The following RICTOR variants were observed in gnomAD, a reference collection of about 807,000 sequenced individuals.
RICTOR encodes the protein RPTOR independent companion of MTOR complex 2.
A neutral mutation model predicts 214.9 loss-of-function variants in RICTOR; 49 were observed. The ratio of observed to expected loss-of-function variants is 0.23; its 90% CI spans 0.18 to 0.29. The LOEUF (loss-of-function observed/expected upper bound fraction) is 0.29. Among genes scored for constraint, RICTOR ranks in the 10% least tolerant of loss-of-function variants. RICTOR has a pLI of 1.00. For missense variants in RICTOR, 1,625 were observed against 2,047.0 expected, an observed-to-expected ratio of 0.79 and a Z score of 3.98; for synonymous variants, 717 against 711.3, an observed-to-expected ratio of 1.01 and a Z score of -0.13.
At chr5:39,070,107 T>G (rs1353464517) in intron 2 of RICTOR, among the ~76,000 whole-genome samples, 2 of 152,206 alleles carry the variant, frequency 1.3e-5, no homozygotes. Flanking sequence ...CAATGTCCAT[T>G]TTGTCTAACT....
chr5:39,012,481 A>G (rs1351407129), intron 3 of RICTOR, among the ~76,000 whole-genome samples: 1 of 152,180 alleles, frequency 6.6e-6, no homozygotes, highest in Non-Finnish European at 1.5e-5. Context: ...AAGATACAAG[A>G]AGAAATAGAA....
At chr5:38,992,592 T>C (rs1187381438) in intron 6 of RICTOR, among the ~76,000 whole-genome samples, 1 of 152,212 alleles carries the variant, frequency 6.6e-6, no homozygotes, top group Non-Finnish European at 1.5e-5. Flanking sequence ...AAGTTTCAAG[T>C]ATAAAATTCT....
chr5:39,049,040 A>C (rs1404811203), intron 2 of RICTOR, among the ~76,000 whole-genome samples: 1 of 152,208 alleles, frequency 6.6e-6, no homozygotes, highest in East Asian at 1.9e-4. Flanking sequence ...GTGACTTTGG[A>C]ACATAAATGT....
intron 3 of RICTOR, among the ~76,000 whole-genome samples, chr5:39,019,601 T>G (rs550010656): frequency 6.6e-5 from 10 of 152,160 alleles, no homozygotes; most frequent in African/African-American, 2.4e-4. Context: ...TATTTGCTAT[T>G]GCTCAGGAAA....
At position 38,953,030 on chromosome 5, in the gene RICTOR, T is replaced by C. The variant is rs1326839915; in HGVS notation, c.2852A>G (p.Asp951Gly). Residue 951 changes from aspartate (D) to glycine (G), a missense_variant, in exon 29 of 38, where the codon GAT becomes GGT. Physicochemically the swap from Asp to Gly is moderately conservative, Grantham distance 94. Transcript: ENST00000357387. Reference sequence around the variant, plus strand: ...ACACTGTTTTGCAAGTTTTAGTATATCTGGAATCACGTTTTCTTCCTGTAG... The same window carrying C: ...ACACTGTTTTGCAAGTTTTAGTATACCTGGAATCACGTTTTCTTCCTGTAG... ...NLLQEENVIP[D>G]ILKLAKQCEV... 28 of 1,610,560 alleles carry C rather than the reference T, an allele frequency of 1.7e-5. No individual in the cohort carries two copies. Among genetic ancestry groups the C allele is most frequent in the Non-Finnish European group, 2.4e-5 (28 of 1,177,710 alleles).
intron 7 of RICTOR, among the ~76,000 whole-genome samples, chr5:38,986,106 C>T (rs1451947469): frequency 6.6e-6 from 1 of 152,104 alleles, no homozygotes; most frequent in Non-Finnish European, 1.5e-5. Context: ...CAAATTGGAC[C>T]CACGTGTCGA....
At chr5:38,971,504 C>G (rs1459700469) in intron 11 of RICTOR, 2 of 156,204 alleles carry the variant, frequency 1.3e-5, no homozygotes, top group African/African-American at 4.9e-5. Flanking sequence ...TCCTGAGTAG[C>G]TGGGATTACA....
intron 2 of RICTOR, among the ~76,000 whole-genome samples, chr5:39,065,915 GC>G: frequency 6.6e-6 from 1 of 152,340 alleles, no homozygotes; most frequent in South Asian, 2.1e-4. Flanking sequence ...AATGCCTGTG[GC>G]TTCTCCAGGT....
chr5:38,951,535 ACTT>A (rs1482257300), intron 30 of RICTOR, among the ~76,000 whole-genome samples: 13 of 152,102 alleles, frequency 8.5e-5, no homozygotes, highest in African/African-American at 1.4e-4. Context: ...AATAGGCAGC[ACTT>A]CTTCTTTCTT....
intron 23 of RICTOR, 42 bp from the exon 24 acceptor site, chr5:38,958,561 T>G: frequency 6.4e-7 from 1 of 1,562,256 alleles, no homozygotes. Flanking sequence ...TGCACAAAAA[T>G]AGCAAAATTT....
Position 38,962,377 on chromosome 5 carries a change from A to G in RICTOR, c.1669-16T>C. Reference sequence around the variant, plus strand: ...CATTTGGCCACTAGAAAAACATAATATGTTATATTACATATGTACTTATCA... The same window carrying G: ...CATTTGGCCACTAGAAAAACATAATGTGTTATATTACATATGTACTTATCA... On this transcript the variant is annotated splice_polypyrimidine_tract_variant and intron_variant, in intron 18 of 37. Coordinates refer to ENST00000357387, the MANE Select transcript of RICTOR (RefSeq NM_152756.5). 6 of 1,285,180 alleles carry G rather than the reference A, an allele frequency of 4.7e-6. No homozygotes were observed. The highest frequency in any genetic ancestry group is 6.7e-6 in the Non-Finnish European group (6 of 897,014). The allele number at this position is 1,285,180 out of a possible 1,614,324, so 79.6% of individuals were successfully genotyped here.
intron 27 of RICTOR, among the ~76,000 whole-genome samples, chr5:38,953,773 T>C (rs1254570422): frequency 2.0e-5 from 3 of 151,834 alleles, no homozygotes; most frequent in African/African-American, 7.2e-5. Flanking sequence ...CTTGGGCAAG[T>C]TACTTCATCT....
chr5:38,962,330 T>C lies in RICTOR; in HGVS notation c.1700A>G (p.Asp567Gly). 1 of 1,428,494 alleles carries C rather than the reference T, an allele frequency of 7.0e-7. No individual in the cohort carries two copies. 88.5% of individuals were successfully genotyped at this position (1,428,494 alleles called of 1,614,324 possible). ...WPNVNLRNYK[D>G]EQLHRFVRRL... ...TCTTACATACCTGTGTAACTGTTCA[T>C]CTTTATAGTTTCTTAGATTTACATT... The change falls in exon 19 of 38, where the codon GAT (aspartate) becomes GGT (glycine). Residue 567 changes from aspartate (D) to glycine (G), a missense_variant. Coordinates refer to ENST00000357387, the MANE Select transcript of RICTOR (RefSeq NM_152756.5).
intron 3 of RICTOR, among the ~76,000 whole-genome samples, chr5:39,012,148 G>A (rs1003312028): frequency 9.2e-5 from 14 of 152,120 alleles, no homozygotes; most frequent in East Asian, 1.9e-4. Context: ...TCGTGATAGC[G>A]AGTAAGTTCT....
chr5:38,955,661 T>C lies in RICTOR; in HGVS notation c.2543A>G (p.Asn848Ser), dbSNP rs1477392239. The C allele has an allele frequency of 6.8e-6, 11 of 1,610,222 alleles. No individual in the cohort carries two copies. The highest frequency in any genetic ancestry group is 1.1e-5 in the South Asian group (1 of 91,004). Residue 848 changes from asparagine to serine, a missense_variant, in exon 26 of 38, where the codon AAT becomes AGT. Transcript: ENST00000357387. ...CTTCCGGTAAGTAGTAAGTGCTTCATTGAGTTGTTCCTCAATCAAGTCAAC... is the reference window on the plus strand; with the variant it reads ...CTTCCGGTAAGTAGTAAGTGCTTCACTGAGTTGTTCCTCAATCAAGTCAAC... ...KYVDLIEEQL[N>S]EALTTYRKPV...
rs760812014 is a variant in RICTOR at position 39,074,342 on chromosome 5, G to C, written c.36C>G (p.Asn12Lys). The C allele has an allele frequency of 1.3e-6, 2 of 1,532,058 alleles. No homozygotes were observed. Among genetic ancestry groups the C allele is most frequent in the Non-Finnish European group, 1.8e-6 (2 of 1,137,790 alleles). 94.9% of individuals were successfully genotyped at this position (1,532,058 alleles called of 1,614,324 possible). Residue 12 changes from asparagine (N) to lysine (K), a missense_variant, in exon 1 of 38, where the codon AAC (asparagine) becomes AAG (lysine). Around this residue, in one of 5 missense-constraint regions of RICTOR, gnomAD observed 71 missense variants for 57.9 expected, o/e 1.23. Transcript: ENST00000357387. The part of the protein sequence containing the change: ...AAIGRGRSLK[N>K]LRVRGRNDSG... ...CAGCGGGCTTACCTCGTACTCGGAG[G>C]TTCTTCAGAGAGCGGCCGCGGCCGA...
At chr5:38,993,819 T>C (rs1752959364) in intron 6 of RICTOR, among the ~76,000 whole-genome samples, 1 of 152,156 alleles carries the variant, frequency 6.6e-6, no homozygotes. Context: ...AAATTCAGCA[T>C]CTGACAACTT....
At chr5:38,950,780 T>C (rs887363492) in intron 30 of RICTOR, 60 bp from the exon 31 acceptor site, 4 of 1,401,234 alleles carry the variant, frequency 2.9e-6, no homozygotes, top group East Asian at 2.4e-5. Flanking sequence ...ATGATAACTA[T>C]TAGTGACATC....
At chr5:38,961,420 G>A (rs1749783608) in intron 19 of RICTOR, among the ~76,000 whole-genome samples, 1 of 152,092 alleles carries the variant, frequency 6.6e-6, no homozygotes, top group Admixed American at 6.6e-5. Flanking sequence ...AAAAGGTCAA[G>A]CATGAAAGTT....
Sources: gnomAD v4.1 joint callset for allele counts (sites outside exome capture counted in the v4.1 genomes callset) on GRCh38, gnomAD v4.1.1 for gene constraint, gnomAD v4.1.1 regional missense constraint, MANE v1.5 for transcripts, NCBI Gene and HGNC (gene_info 2026-07-23, HGNC 2026-07-21) for gene names.